Variants in SLBP observed in about 807,000 individuals in gnomAD.
The protein encoded by SLBP is stem-loop histone mRNA binding protein.
Under a neutral mutation model 39.2 loss-of-function variants are expected in SLBP, and 29 were observed. The observed-to-expected ratio is 0.74, with a 90% CI of 0.55 to 1.01. The LOEUF (loss-of-function observed/expected upper bound fraction) is 1.01, where lower values mean the gene tolerates loss of function less well. SLBP is among the 50% of genes least tolerant of loss of function. The pLI is 0.00. For missense variants in SLBP, 390 were observed against 350.2 expected (o/e 1.11, Z -0.91); for synonymous variants, 129 against 118.7 (o/e 1.09, Z -0.57).
At position 1,706,813 on chromosome 4, in the gene SLBP, G is replaced by A. The variant is rs1212085695; in HGVS notation, c.177-3113C>T. Among the ~76,000 whole-genome samples the A allele has an allele frequency of 2.6e-5, 4 of 151,666 alleles. No individual in the cohort carries two copies. The East Asian group carries it at 7.8e-4, about 29-fold the overall frequency. ...ACTGCACTCCAGCCTGGGGGAGAGAGACCCCGTCTCAAAAAATAAATGAAT... is the reference window on the plus strand; with the variant it reads ...ACTGCACTCCAGCCTGGGGGAGAGAAACCCCGTCTCAAAAAATAAATGAAT... On this transcript the variant is annotated intron_variant, in intron 2 of 7. Transcript: ENST00000489418.
At chr4:1,710,928 G>C (rs1271014460) in intron 2 of SLBP, among the ~76,000 whole-genome samples, 1 of 151,868 alleles carries the variant, frequency 6.6e-6, no homozygotes, top group Non-Finnish European at 1.5e-5. Context: ...GCATGCGCCT[G>C]TAATCCTAGC....
chr4:1,712,164 G>C lies in SLBP; in HGVS notation c.25C>G (p.Pro9Ala). 8.1e-7 allele frequency: 1 copy of C among 1,233,518 alleles called. No homozygotes were observed. The highest frequency in any genetic ancestry group is 1.0e-6 in the Non-Finnish European group (1 of 990,998). The allele number at this position is 1,233,518 out of a possible 1,614,324, so 76.4% of individuals were successfully genotyped here. A position where few individuals can be genotyped will look rare whatever the true frequency, so the allele number is the denominator to read the frequency against. ...CCGTCGCAGCGGCTCTGATGCCTCG[G>C]CGGGCTTCGCGGGCGGCAGGCCATG... MACRPRSP[P>A]RHQSRCDGDA... The change falls in exon 1 of 8, where the codon CCG becomes GCG. Residue 9 changes from proline to alanine, a missense_variant. Pro to Ala is a conservative substitution (Grantham distance 27). Coordinates refer to ENST00000489418, the MANE Select transcript of SLBP (RefSeq NM_006527.4).
intron 4 of SLBP, 103 bp downstream of exon 4, chr4:1,699,908 A>G (rs1716260165): frequency 1.1e-6 from 1 of 904,200 alleles, no homozygotes; most frequent in Non-Finnish European, 1.7e-6. Context: ...AGGTATTAAT[A>G]AATGCTACTG....
chr4:1,702,199 G>C (rs1015410078), intron 3 of SLBP, among the ~76,000 whole-genome samples: 1 of 152,188 alleles, frequency 6.6e-6, no homozygotes, highest in Non-Finnish European at 1.5e-5. Context: ...TACAAGTCAA[G>C]TCAAACATTC....
intron 5 of SLBP, among the ~76,000 whole-genome samples, chr4:1,696,723 C>A (rs752234985): frequency 1.3e-5 from 2 of 151,980 alleles, no homozygotes; most frequent in African/African-American, 4.8e-5. Flanking sequence ...CATGGTGAAA[C>A]CCCGTCTCTA....
rs918640447 is a variant in SLBP at position 1,697,864 on chromosome 4, C to T, written c.480-1513G>A. ...CTCAAAAAAATCACTATCCGCTGGG[C>T]ACAGTGGCTCACGCTTGTAATCACA... On this transcript the variant is annotated intron_variant, in intron 5 of 7. Transcript: ENST00000489418. 9.2e-5 allele frequency among the ~76,000 whole-genome samples: 14 copies of T among 152,180 alleles called. No homozygotes were observed. The South Asian group carries it at 2.7e-3, about 29-fold the overall frequency.
chr4:1,709,358 CT>C (rs1716643780), intron 2 of SLBP, among the ~76,000 whole-genome samples: 1 of 152,178 alleles, frequency 6.6e-6, no homozygotes, highest in Admixed American at 6.5e-5. Flanking sequence ...GGAAAGCCTC[CT>C]AATTGCCATC....
intron 2 of SLBP, among the ~76,000 whole-genome samples, 190 bp downstream of exon 2, chr4:1,711,684 C>T (rs1716778206): frequency 6.6e-6 from 1 of 152,226 alleles, no homozygotes; most frequent in African/African-American, 2.4e-5. Context: ...CAAGAGGCTT[C>T]CGGAGTGTTC....
chr4:1,705,067 A>G (rs960761721), intron 2 of SLBP, among the ~76,000 whole-genome samples: 1 of 152,162 alleles, frequency 6.6e-6, no homozygotes, highest in African/African-American at 2.4e-5. Flanking sequence ...AGCTGAAATT[A>G]CAGGCATGAG....
chr4:1,694,686 C>T, intron 7 of SLBP, 88 bp downstream of exon 7: 1 of 968,258 alleles, frequency 1.0e-6, no homozygotes, highest in Non-Finnish European at 1.7e-6. Context: ...CCACCGTGCC[C>T]AGTCCAAACT....
Position 1,693,700 on chromosome 4 carries a change from C to T in SLBP, c.710G>A (p.Gly237Asp). The change falls in exon 8 of 8, where the codon GGC becomes GAC. Residue 237 changes from glycine to aspartate, a missense_variant. Gly to Asp is a moderately conservative substitution (Grantham distance 94). Transcript: ENST00000489418. ...CATGTGTCTCACCTTGGTGGGTGTG[C>T]CAGAGTACACATCCTGGAAAACAGA... The part of the protein sequence containing the change: ...SSQDDFDVYS[G>D]TPTKVRHMDS... 2 of 1,608,142 alleles carry T rather than the reference C, an allele frequency of 1.2e-6. No individual in the cohort carries two copies. Among genetic ancestry groups the T allele is most frequent in the Non-Finnish European group, 1.7e-6 (2 of 1,174,622 alleles).
rs1372615696 is a variant in SLBP at position 1,712,232 on chromosome 4, G to A, written c.-44C>T. 2.1e-5 allele frequency: 25 copies of A among 1,198,286 alleles called. No homozygotes were observed. Among genetic ancestry groups the A allele is most frequent in the Non-Finnish European group, 2.4e-5 (23 of 941,088 alleles). The allele number at this position is 1,198,286 out of a possible 1,614,324, so 74.2% of individuals were successfully genotyped here. On this transcript the variant is annotated 5_prime_UTR_variant, in exon 1 of 8. Coordinates refer to ENST00000489418, the MANE Select transcript of SLBP (RefSeq NM_006527.4). ...CGCAGCGCAGGGCCGAGGCTGAGGC[G>A]GCGGCGGCGCGGGCAGAGAGCGCAG...
At chr4:1,710,470 G>A (rs1716707667) in intron 2 of SLBP, among the ~76,000 whole-genome samples, 1 of 152,200 alleles carries the variant, frequency 6.6e-6, no homozygotes, top group African/African-American at 2.4e-5. Flanking sequence ...ATTGCTTTAG[G>A]AATTTAGCTA....
intron 2 of SLBP, among the ~76,000 whole-genome samples, chr4:1,708,185 G>A (rs1716596534): frequency 6.6e-6 from 1 of 151,888 alleles, no homozygotes; most frequent in African/African-American, 2.4e-5. Flanking sequence ...TTGGAAGGCA[G>A]AGGTTACAGT....
chr4:1,697,746 A>C (rs1716166828), intron 5 of SLBP, among the ~76,000 whole-genome samples: 1 of 152,108 alleles, frequency 6.6e-6, no homozygotes, highest in South Asian at 2.1e-4. Context: ...TGGGAGGCTG[A>C]GGCAGGAGAA....
At chr4:1,697,554 AT>A (rs1716159054) in intron 5 of SLBP, among the ~76,000 whole-genome samples, 1 of 151,448 alleles carries the variant, frequency 6.6e-6, no homozygotes, top group South Asian at 2.1e-4. Flanking sequence ...AAAAAGCACT[AT>A]CCGGGCCGGG....
In SLBP at chr4:1,705,039, T is replaced by G. The variant is rs1193893603; in HGVS notation, c.177-1339A>C. Among the ~76,000 whole-genome samples, 4 of 152,300 alleles carry G rather than the reference T, an allele frequency of 2.6e-5. No homozygotes were observed. In the East Asian group the frequency reaches 7.7e-4, roughly 29 times the overall value. On this transcript the variant is annotated intron_variant, in intron 2 of 7. Coordinates refer to ENST00000489418, the MANE Select transcript of SLBP (RefSeq NM_006527.4). ...GCCTCCCAGGTTCAAGCGATTCTCCTGCCTCAGCCTCCCGAGTAGCTGAAA... is the reference window on the plus strand; with the variant it reads ...GCCTCCCAGGTTCAAGCGATTCTCCGGCCTCAGCCTCCCGAGTAGCTGAAA...
Position 1,693,536 on chromosome 4 carries a change from C to G in SLBP, c.*61G>C. The G allele has an allele frequency of 1.0e-6, 1 of 967,304 alleles. No homozygotes were observed. Among genetic ancestry groups the G allele is most frequent in the East Asian group, 2.4e-5 (1 of 42,068 alleles). The allele number at this position is 967,304 out of a possible 1,614,324, so 59.9% of individuals were successfully genotyped here. ...ACAAGTGCACACACATGCTTGGTGCCTGGCCAGCCTTCCACCTAGTCGGGG... is the reference window on the plus strand; with the variant it reads ...ACAAGTGCACACACATGCTTGGTGCGTGGCCAGCCTTCCACCTAGTCGGGG... On this transcript the variant is annotated 3_prime_UTR_variant, in exon 8 of 8. Transcript: ENST00000489418.
At chr4:1,702,585 G>T (rs948196596) in intron 3 of SLBP, among the ~76,000 whole-genome samples, 1 of 152,146 alleles carries the variant, frequency 6.6e-6, no homozygotes, top group Non-Finnish European at 1.5e-5. Flanking sequence ...TTTTAACTGG[G>T]TTTGAATAAA....
Sources: allele counts gnomAD v4.1 joint callset (sites outside exome capture counted in the v4.1 genomes callset), GRCh38; gene constraint gnomAD v4.1.1; transcripts MANE v1.5; gene names NCBI Gene and HGNC (gene_info 2026-07-23, HGNC 2026-07-21).